Variants in CD55 observed in about 807,000 individuals in gnomAD.
The protein encoded by CD55 is CD55 molecule (Cromer blood group), also known as complement decay-accelerating factor.
CD55 carries 41 observed loss-of-function variants against 45.8 expected under a neutral mutation model. The ratio of observed to expected loss-of-function variants is 0.90; its 90% confidence interval spans 0.70 to 1.16. The LOEUF is 1.16. CD55 is among the 50% of genes most tolerant of loss of function. The pLI, the probability that CD55 is intolerant of heterozygous loss-of-function variation, is 0.00. For missense variants in CD55, 416 were observed against 469.8 expected (o/e 0.89, Z 1.06); for synonymous variants, 181 against 181.1 (o/e 1.00, Z 0.01).
At position 207,351,502 on chromosome 1, in the gene CD55, T is replaced by C. The variant is rs1655867336; in HGVS notation, c.1082-8044T>C. Among the ~76,000 whole-genome samples, 3 of 152,232 alleles carry C rather than the reference T, an allele frequency of 2.0e-5. No individual in the cohort carries two copies. In the South Asian group the frequency reaches 6.2e-4, roughly 31 times the overall value. On this transcript the variant is annotated intron_variant, in intron 9 of 9. Transcript: ENST00000367064. ...CATCTCTTCATAGGTCTTTAAGAAC[T>C]TGTCTTATGAATCTGGATGATCCAG...
chr1:207,345,809 G>T (rs1054416727), intron 9 of CD55, among the ~76,000 whole-genome samples: 2 of 152,240 alleles, frequency 1.3e-5, no homozygotes, highest in Non-Finnish European at 2.9e-5. Context: ...GGTGCATGCA[G>T]TAGTGTAGTT....
At chr1:207,349,806 G>A (rs1484990984) in intron 9 of CD55, among the ~76,000 whole-genome samples, 1 of 152,150 alleles carries the variant, frequency 6.6e-6, no homozygotes. Context: ...CATATCATCT[G>A]TGAAGAGAGA....
At position 207,359,516 on chromosome 1, in the gene CD55, CTTTTTTTTTT is replaced by C; in HGVS notation, c.1082-19_1082-10del. 10 of 1,283,770 alleles carry C rather than the reference CTTTTTTTTTT, an allele frequency of 7.8e-6. No homozygotes were observed. The South Asian group carries it at 9.3e-5, about 12-fold the overall frequency. The allele number at this position is 1,283,770 out of a possible 1,614,324, so 79.5% of individuals were successfully genotyped here. A position where few individuals can be genotyped will look rare whatever the true frequency, so the allele number is the denominator to read the frequency against. ...GTAAATAAAATCATTTTGATTTTAA[CTTTTTTTTTT>C]TTTTTTTTTTAATTTTCAGGGCACA... On this transcript the variant is annotated intron_variant, in intron 9 of 9. Transcript: ENST00000367064.
At chr1:207,350,525 A>G (rs149264740) in intron 9 of CD55, among the ~76,000 whole-genome samples, 10 of 152,226 alleles carry the variant, frequency 6.6e-5, no homozygotes, top group East Asian at 5.8e-4. Flanking sequence ...TACTGATTCA[A>G]TTTAAGAACT....
At position 207,342,250 on chromosome 1, in the gene CD55, C is replaced by CAAGTTAATAAATGA. The variant is rs1258184976; in HGVS notation, c.1081+2836_1081+2849dup. On this transcript the variant is annotated intron_variant, in intron 9 of 9. Transcript: ENST00000367064. The stretch of plus-strand genomic sequence containing the variant: ...TTTATTTCTTTCTTTTGCCTGGCTG[C>CAAGTTAATAAATGA]AAGTTAATAAATGAAAACTTGGTTC... Among the ~76,000 whole-genome samples the CAAGTTAATAAATGA allele has an allele frequency of 1.1e-3, 161 of 152,032 alleles. 1 individual carries two copies. Among genetic ancestry groups the CAAGTTAATAAATGA allele is most frequent in the African/African-American group, 3.8e-3 (158 of 41,462 alleles).
Position 207,359,705 on chromosome 1 carries a change from T to G in CD55, c.*95T>G. The G allele has an allele frequency of 6.9e-7, 1 of 1,458,956 alleles. No individual in the cohort carries two copies. Among genetic ancestry groups the G allele is most frequent in the Non-Finnish European group, 9.1e-7 (1 of 1,100,760 alleles). 90.4% of individuals were successfully genotyped at this position (1,458,956 alleles called of 1,614,324 possible). A position where few individuals can be genotyped will look rare whatever the true frequency, so the allele number is the denominator to read the frequency against. ...ATATTGGATAAAATAAATGCAATTG[T>G]GCTCTTCATTTAGGATGCTTTCATT... On this transcript the variant is annotated 3_prime_UTR_variant, in exon 10 of 10. Coordinates refer to ENST00000367064, the MANE Select transcript of CD55 (RefSeq NM_000574.5).
intron 5 of CD55, among the ~76,000 whole-genome samples, 154 bp downstream of exon 5, chr1:207,326,991 G>T (rs961342268): frequency 6.6e-6 from 1 of 152,166 alleles, no homozygotes; most frequent in African/African-American, 2.4e-5. Flanking sequence ...ACCTTTTCTA[G>T]TGATGTTCCT....
At chr1:207,325,301 C>G (rs560290652) in intron 3 of CD55, among the ~76,000 whole-genome samples, 34 of 146,258 alleles carry the variant, frequency 2.3e-4, no homozygotes, top group African/African-American at 8.2e-4. Flanking sequence ...TGTCACCGCG[C>G]TCCAGCCTGG....
chr1:207,335,427 C>CTACCTTCT (rs1178107190), intron 6 of CD55, among the ~76,000 whole-genome samples: 10 of 152,038 alleles, frequency 6.6e-5, no homozygotes, highest in African/African-American at 2.4e-4. Flanking sequence ...CTTCTAGCCA[C>CTACCTTCT]AGTGGAATTA....
At position 207,324,589 on chromosome 1, in the gene CD55, C is replaced by A; in HGVS notation, c.317C>A (p.Ser106Tyr). 1 of 1,590,022 alleles carries A rather than the reference C, an allele frequency of 6.3e-7. No homozygotes were observed. Among genetic ancestry groups the A allele is most frequent in the Non-Finnish European group, 8.6e-7 (1 of 1,169,022 alleles). ...TGCGAGGTGCCAACAAGGCTAAATT[C>A]TGCATCCCTCAAACAGCCTTATATC... Reference protein sequence around the residue: ...RSCEVPTRLNSASLKQPYITQ... With the variant: ...RSCEVPTRLNYASLKQPYITQ... The change falls in exon 3 of 10, where the codon TCT (serine) becomes TAT (tyrosine). Residue 106 changes from serine (S) to tyrosine (Y), a missense_variant. By Grantham distance (144) the Ser-to-Tyr change is moderately radical. Around this residue, in one of 3 missense-constraint regions of CD55, gnomAD observed 111 missense variants for 163.4 expected, o/e 0.68. Transcript: ENST00000367064.
intron 5 of CD55, among the ~76,000 whole-genome samples, chr1:207,329,789 T>C (rs1348601807): frequency 6.6e-6 from 1 of 151,906 alleles, no homozygotes; most frequent in Non-Finnish European, 1.5e-5. Flanking sequence ...TTTATGTATT[T>C]TTTGCATAGA....
intron 5 of CD55, among the ~76,000 whole-genome samples, chr1:207,329,817 G>A (rs1212533240): frequency 6.6e-6 from 1 of 151,942 alleles, no homozygotes; most frequent in Non-Finnish European, 1.5e-5. Context: ...TCCTCATGTT[G>A]TCCAGGCTGG....
In CD55 at chr1:207,322,675, A is replaced by G. The variant is rs766278981; in HGVS notation, c.286+108A>G. The G allele has an allele frequency of 2.5e-4, 242 of 958,802 alleles. 1 individual carries two copies. The highest frequency in any genetic ancestry group is 3.5e-4 in the Admixed American group (12 of 34,766). The allele number at this position is 958,802 out of a possible 1,614,324, so 59.4% of individuals were successfully genotyped here. ...AATTGATAGTTCTCTAGCGTTACTA[A>G]ACCCCAGGGTATACCCTGTTGGCAC... On this transcript the variant is annotated intron_variant, in intron 2 of 9. Coordinates refer to ENST00000367064, the MANE Select transcript of CD55 (RefSeq NM_000574.5).
intron 8 of CD55, 42 bp from the exon 9 acceptor site, chr1:207,339,355 C>G (rs1417766854): frequency 4.5e-6 from 7 of 1,562,840 alleles, no homozygotes; most frequent in South Asian, 1.2e-5. Flanking sequence ...ATGACTTTAA[C>G]AAATTTTTGT....
intron 7 of CD55, 39 bp downstream of exon 7, chr1:207,336,857 G>A: frequency 2.5e-6 from 4 of 1,612,116 alleles, no homozygotes; most frequent in Non-Finnish European, 3.4e-6. Context: ...ACACACCACA[G>A]AAAATGTTTC....
chr1:207,335,297 T>C (rs1655119405), intron 6 of CD55, among the ~76,000 whole-genome samples: 2 of 152,174 alleles, frequency 1.3e-5, no homozygotes, highest in Non-Finnish European at 2.9e-5. Context: ...CCATTGAATC[T>C]ATTAGGACCG....
At position 207,324,647 on chromosome 1, in the gene CD55, G is replaced by A. The variant is rs1183991601; in HGVS notation, c.375G>A (p.Val125=). Residue 125 remains valine, a synonymous_variant, in exon 3 of 10, where the codon GTG becomes GTA. Transcript: ENST00000367064. ...ATTATTTTCCAGTCGGTACTGTTGTGGAATATGAGTGCCGTCCAGGTTACA... is the reference window on the plus strand; with the variant it reads ...ATTATTTTCCAGTCGGTACTGTTGTAGAATATGAGTGCCGTCCAGGTTACA... ...TQNYFPVGTV[V]EYECRPGYRR... is the part of the protein sequence containing the mutation. 3 of 1,612,638 alleles carry A rather than the reference G, an allele frequency of 1.9e-6. No individual in the cohort carries two copies. The Admixed American group carries it at 5.0e-5, about 27-fold the overall frequency.
At chr1:207,342,559 G>A (rs975776732) in intron 9 of CD55, among the ~76,000 whole-genome samples, 1 of 152,046 alleles carries the variant, frequency 6.6e-6, no homozygotes, top group Non-Finnish European at 1.5e-5. Flanking sequence ...CTTGGTCTTG[G>A]CATACTAATT....
intron 9 of CD55, among the ~76,000 whole-genome samples, chr1:207,352,576 AT>A (rs1655909919): frequency 1.3e-5 from 2 of 152,088 alleles, no homozygotes; most frequent in Non-Finnish European, 2.9e-5. Flanking sequence ...AACCCAAGTG[AT>A]TAAGTGATTA....
Sources: allele counts gnomAD v4.1 joint callset (sites outside exome capture counted in the v4.1 genomes callset), GRCh38; gene constraint gnomAD v4.1.1; regional missense constraint gnomAD v4.1.1; transcripts MANE v1.5; gene names NCBI Gene and HGNC (gene_info 2026-07-23, HGNC 2026-07-21).